Variants in GLRA2 observed in about 807,000 individuals in gnomAD.
The protein encoded by GLRA2 is glycine receptor subunit alpha-2.
GLRA2 carries 11 observed loss-of-function variants against 31.6 expected under a neutral mutation model. The observed-to-expected ratio is 0.35, with a 90% CI of 0.22 to 0.58. The LOEUF (loss-of-function observed/expected upper bound fraction) is 0.58. Among genes scored for constraint, GLRA2 ranks in the 20% least tolerant of loss-of-function variants. The probability of loss-of-function intolerance (pLI) is 0.84; values close to 1 mark genes in which losing one functional copy is unlikely to be tolerated. For synonymous variants in GLRA2, 132 were observed against 134.0 expected, an observed-to-expected ratio of 0.99 and a Z score of 0.10; for missense variants, 212 against 351.8, an observed-to-expected ratio of 0.60 and a Z score of 3.18.
At chrX:14,727,860 G>C (rs751669973) in intron 8 of GLRA2, among the ~76,000 whole-genome samples, 1 of 111,566 alleles carries the variant, frequency 9.0e-6, no homozygotes, top group African/African-American at 3.3e-5. Context: ...ACCAGATTCT[G>C]AAAGTTCCAT....
At chrX:14,516,260 G>A in the GLRA2 span, among the ~76,000 whole-genome samples, 1 of 110,962 alleles carries the variant, frequency 9.0e-6, no homozygotes, top group Non-Finnish European at 1.9e-5. Context: ...TAGGTGTCTG[G>A]GATCAAAAGG....
At chrX:14,530,789 T>G (rs1366915295) in intron 1 of GLRA2, among the ~76,000 whole-genome samples, 1 of 111,897 alleles carries the variant, frequency 8.9e-6, no homozygotes, top group African/African-American at 3.2e-5. Context: ...TTGCATTTTC[T>G]ACATGGTTTA....
intron 7 of GLRA2, among the ~76,000 whole-genome samples, chrX:14,652,979 G>T (rs1298066190): frequency 9.0e-6 from 1 of 110,515 alleles, no homozygotes; most frequent in Non-Finnish European, 1.9e-5. Context: ...GTTATTGAAA[G>T]AAATTAAAAG....
chrX:14,490,058 T>G, the GLRA2 span, among the ~76,000 whole-genome samples: 1 of 111,185 alleles, frequency 9.0e-6, no homozygotes, highest in African/African-American at 3.3e-5. Context: ...TGTCCTGATC[T>G]TGACTCCCTT....
At chrX:14,719,270 AAGAAT>A (rs1344753995) in intron 8 of GLRA2, among the ~76,000 whole-genome samples, 1 of 112,334 alleles carries the variant, frequency 8.9e-6, no homozygotes, top group Admixed American at 9.5e-5. Context: ...GCTCAACCTG[AAGAAT>A]AGGAGAAGAC....
At chrX:14,452,397 A>G in the GLRA2 span, among the ~76,000 whole-genome samples, 1 of 112,430 alleles carries the variant, frequency 8.9e-6, no homozygotes, top group Non-Finnish European at 1.9e-5. Context: ...TTTCTTCTCT[A>G]TCCATTTTCA....
chrX:14,698,681 CAAAAAAAAAAAAAAAA>C (rs749925474), intron 8 of GLRA2, among the ~76,000 whole-genome samples: 1 of 21,125 alleles, frequency 4.7e-5, no homozygotes, highest in Non-Finnish European at 7.8e-5. Context: ...CTATCTATCT[CAAAAAAAAAAAAAAAA>C]AAAAAAAAAA....
chrX:14,546,900 A>C (rs757539030), intron 2 of GLRA2, among the ~76,000 whole-genome samples: 4 of 111,799 alleles, frequency 3.6e-5, no homozygotes, highest in African/African-American at 1.3e-4. Flanking sequence ...TATGTGCCAT[A>C]ATAAACCATG....
intron 7 of GLRA2, among the ~76,000 whole-genome samples, chrX:14,648,514 A>T (rs1226009473): frequency 1.8e-5 from 2 of 112,183 alleles, no homozygotes; most frequent in Non-Finnish European, 3.8e-5. Flanking sequence ...AAAAATGATA[A>T]AATAGACTTT....
chrX:14,653,706 G>C (rs201274234), intron 7 of GLRA2, among the ~76,000 whole-genome samples: 1 of 112,587 alleles, frequency 8.9e-6, no homozygotes, highest in African/African-American at 3.2e-5. Context: ...TGAGAGGATT[G>C]AATCCAATTT....
intron 7 of GLRA2, among the ~76,000 whole-genome samples, chrX:14,645,591 A>G (rs894828159): frequency 1.8e-5 from 2 of 111,721 alleles, no homozygotes; most frequent in Middle Eastern, 4.2e-3. Context: ...TTGAACATAG[A>G]TCCAAACAAA....
the GLRA2 span, among the ~76,000 whole-genome samples, chrX:14,490,245 A>AGTTC: frequency 8.9e-6 from 1 of 112,021 alleles, no homozygotes; most frequent in East Asian, 2.8e-4. Context: ...ATATCTTTGC[A>AGTTC]GTTCTGATTA....
intron 7 of GLRA2, among the ~76,000 whole-genome samples, chrX:14,636,195 T>G (rs2090708316): frequency 8.9e-6 from 1 of 112,050 alleles, no homozygotes; most frequent in East Asian, 2.8e-4. Context: ...CATATAGATA[T>G]ATTCTGCCCT....
At chrX:14,561,344 C>T (rs1211083281) in intron 2 of GLRA2, among the ~76,000 whole-genome samples, 13 of 112,423 alleles carry the variant, frequency 1.2e-4, no homozygotes, top group Non-Finnish European at 1.9e-4. Flanking sequence ...ATAATAATTC[C>T]TGTTGTTCTC....
intron 2 of GLRA2, among the ~76,000 whole-genome samples, chrX:14,564,121 G>A (rs1253973095): frequency 1.0e-5 from 1 of 98,076 alleles, no homozygotes; most frequent in African/African-American, 3.7e-5. Context: ...TAAGTTCCAA[G>A]TAGGGTAAAC....
At chrX:14,461,200 A>G in the GLRA2 span, among the ~76,000 whole-genome samples, 5 of 112,023 alleles carry the variant, frequency 4.5e-5, no homozygotes, top group African/African-American at 6.5e-5. Flanking sequence ...AAATTTGATT[A>G]CACTCTAGTC....
intron 2 of GLRA2, among the ~76,000 whole-genome samples, chrX:14,543,881 T>G (rs1233258322): frequency 8.9e-6 from 1 of 111,954 alleles, no homozygotes; most frequent in African/African-American, 3.2e-5. Flanking sequence ...CACAGATTCC[T>G]TATCATGAGT....
At chrX:14,635,440 G>A (rs758905234) in intron 7 of GLRA2, among the ~76,000 whole-genome samples, 8 of 111,738 alleles carry the variant, frequency 7.2e-5, no homozygotes, top group Non-Finnish European at 1.1e-4. Context: ...AGAAGAGGCC[G>A]AGGATAATTT....
the GLRA2 span, among the ~76,000 whole-genome samples, chrX:14,491,422 G>A: frequency 9.0e-6 from 1 of 111,642 alleles, no homozygotes; most frequent in Non-Finnish European, 1.9e-5. Flanking sequence ...TTGTAAAAGA[G>A]TAATAGATTA....
Sources: allele counts gnomAD v4.1 joint callset (sites outside exome capture counted in the v4.1 genomes callset), GRCh38; gene constraint gnomAD v4.1.1; transcripts MANE v1.5; gene names NCBI Gene and HGNC (gene_info 2026-07-23, HGNC 2026-07-21).